ST7L: variants seen among roughly 807,000 people sequenced by gnomAD.
ST7L encodes the protein suppression of tumorigenicity 7 like.
In ST7L, 57 loss-of-function variants were observed where a neutral mutation model predicts 72.5. The ratio of observed to expected loss-of-function variants is 0.79; its 90% CI spans 0.64 to 0.98. ST7L has a LOEUF of 0.98. Ranked by LOEUF, ST7L falls within the 50% of genes least tolerant of loss-of-function variation. ST7L has a pLI of 0.00. For synonymous variants in ST7L, 221 were observed against 240.9 expected, an observed-to-expected ratio of 0.92 and a Z score of 0.77; for missense variants, 576 against 672.2, an observed-to-expected ratio of 0.86 and a Z score of 1.58.
In ST7L at chr1:112,525,189, C is replaced by T. The variant is rs1180773272; in HGVS notation, c.*824G>A. 6.6e-6 allele frequency: 1 copy of T among 152,218 alleles called. No homozygotes were observed. Among genetic ancestry groups the T allele is most frequent in the Non-Finnish European group, 1.5e-5 (1 of 68,062 alleles). The allele number at this position is 152,218 out of a possible 1,614,324, so 9.4% of individuals were successfully genotyped here. A position where few individuals can be genotyped will look rare whatever the true frequency, so the allele number is the denominator to read the frequency against. ...TGGGGTATAACTGCCAAGCCTACTG[C>T]TCATGACCTGTGGTTGTTTTTAACT... is the stretch of plus-strand genomic sequence containing the variant. On this transcript the variant is annotated 3_prime_UTR_variant, in exon 15 of 15. Transcript: ENST00000358039.
rs60106072 is a variant in ST7L, at chr1:112,556,966, C to CAAAAAAAAAA, written c.1246-958_1246-949dup. ...CTGGCGACAGAGCGAGACTCTGTCT[C>CAAAAAAAAAA]AAAAAAAAAAAAAAAAAACAAAAAA... On this transcript the variant is annotated intron_variant, in intron 11 of 14. Coordinates refer to ENST00000358039, the MANE Select transcript of ST7L (RefSeq NM_017744.5). Among the ~76,000 whole-genome samples, 43 of 49,522 alleles carry CAAAAAAAAAA rather than the reference C, an allele frequency of 8.7e-4. 2 individuals are homozygous for CAAAAAAAAAA. Among genetic ancestry groups the CAAAAAAAAAA allele is most frequent in the African/African-American group, 1.4e-3 (20 of 14,672 alleles). 32.5% of individuals were successfully genotyped at this position (49,522 alleles called of 152,430 possible).
At chr1:112,583,274 C>T (rs1387360173) in intron 7 of ST7L, among the ~76,000 whole-genome samples, 1 of 152,112 alleles carries the variant, frequency 6.6e-6, no homozygotes, top group Non-Finnish European at 1.5e-5. Flanking sequence ...ATTTATTACC[C>T]ACTATTTGCC....
chr1:112,555,511 G>A (rs1162899578), intron 12 of ST7L, among the ~76,000 whole-genome samples: 1 of 152,126 alleles, frequency 6.6e-6, no homozygotes, highest in Admixed American at 6.6e-5. Context: ...CTTGTGGTGA[G>A]CAGAGATTGC....
intron 14 of ST7L, among the ~76,000 whole-genome samples, chr1:112,533,249 A>G (rs1292935361): frequency 6.6e-6 from 1 of 152,236 alleles, no homozygotes; most frequent in Non-Finnish European, 1.5e-5. Flanking sequence ...ATTCTTTCTT[A>G]AGTAGCTAAC....
At chr1:112,575,677 C>G (rs1662990745) in intron 11 of ST7L, among the ~76,000 whole-genome samples, 1 of 152,122 alleles carries the variant, frequency 6.6e-6, no homozygotes. Flanking sequence ...GAACGGCATG[C>G]AACTTAAAAC....
chr1:112,603,180 T>C (rs570267808), intron 3 of ST7L, among the ~76,000 whole-genome samples: 1 of 152,344 alleles, frequency 6.6e-6, no homozygotes. Context: ...TAAAGACTTT[T>C]CTGTGAGAAT....
At chr1:112,619,407 G>GCCCC (rs34583754), upstream of ST7L, 14 of 464,618 alleles carry the variant, frequency 3.0e-5, no homozygotes, top group African/African-American at 2.5e-4. Context: ...CTTTCACACC[G>GCCCC]CCCCCCCCCC....
rs772171507 is a variant in ST7L, at chr1:112,611,049, T to C, written c.289-46A>G. On this transcript the variant is annotated intron_variant, in intron 2 of 14. Coordinates refer to ENST00000358039, the MANE Select transcript of ST7L (RefSeq NM_017744.5). ...CCTGCACTTAGAATCGATCAGCAGA[T>C]ACATGAGCTCAAATTAAAACATTCT... The C allele has an allele frequency of 5.7e-6, 9 of 1,581,706 alleles. No individual in the cohort carries two copies. The Admixed American group carries it at 1.2e-4, about 22-fold the overall frequency.
intron 11 of ST7L, among the ~76,000 whole-genome samples, chr1:112,566,278 A>C (rs370318753): frequency 7.9e-6 from 1 of 125,920 alleles, no homozygotes; most frequent in Non-Finnish European, 1.7e-5. Flanking sequence ...ATTTTCTTTT[A>C]TTTCTTTTTC....
chr1:112,600,920 T>C, intron 3 of ST7L, 72 bp from the exon 4 acceptor site: 1 of 1,358,556 alleles, frequency 7.4e-7, no homozygotes, highest in Non-Finnish European at 1.0e-6. Context: ...ATCTATTGTC[T>C]ACCCACTGTA....
intron 7 of ST7L, among the ~76,000 whole-genome samples, 168 bp downstream of exon 7, chr1:112,583,804 T>C (rs976781362): frequency 6.6e-6 from 1 of 152,270 alleles, no homozygotes; most frequent in Non-Finnish European, 1.5e-5. Flanking sequence ...CTCTGGCTAA[T>C]ACACATTTCT....
downstream of ST7L, chr1:112,520,425 T>C (rs758448349): frequency 2.5e-6 from 4 of 1,614,090 alleles, no homozygotes; most frequent in African/African-American, 1.3e-5. Context: ...GGTGCTGTGC[T>C]GTACGGTGCA....
chr1:112,565,889 T>C (rs968472244), intron 11 of ST7L, among the ~76,000 whole-genome samples: 2 of 151,900 alleles, frequency 1.3e-5, no homozygotes, highest in Non-Finnish European at 2.9e-5. Flanking sequence ...CATGCACCTG[T>C]AGTCCCAGCT....
intron 10 of ST7L, among the ~76,000 whole-genome samples, 153 bp downstream of exon 10, chr1:112,578,192 T>C (rs1291578347): frequency 6.6e-6 from 1 of 152,176 alleles, no homozygotes; most frequent in Non-Finnish European, 1.5e-5. Flanking sequence ...CTCTTTCCAC[T>C]ACACACAGCA....
chr1:112,598,327 G>A (rs1666787369), intron 4 of ST7L, among the ~76,000 whole-genome samples: 2 of 152,024 alleles, frequency 1.3e-5, no homozygotes, highest in African/African-American at 2.4e-5. Flanking sequence ...TGGGCCGGGT[G>A]CCGTGGCTCA....
At chr1:112,551,101 C>T (rs1353004628) in intron 12 of ST7L, among the ~76,000 whole-genome samples, 1 of 146,658 alleles carries the variant, frequency 6.8e-6, no homozygotes, top group Non-Finnish European at 1.5e-5. Flanking sequence ...TTCCTAACTT[C>T]ACATGTGAGT....
At chr1:112,561,080 G>A (rs1247836781) in intron 11 of ST7L, among the ~76,000 whole-genome samples, 1 of 151,196 alleles carries the variant, frequency 6.6e-6, no homozygotes, top group Non-Finnish European at 1.5e-5. Context: ...TAACTCTCTG[G>A]GAAAACTAAA....
At chr1:112,611,039 G>A (rs769056055) in intron 2 of ST7L, 36 bp from the exon 3 acceptor site, 20 of 1,601,142 alleles carry the variant, frequency 1.2e-5, no homozygotes, top group East Asian at 2.2e-5. Flanking sequence ...ACTTAGAATC[G>A]ATCAGCAGAT....
intron 13 of ST7L, among the ~76,000 whole-genome samples, chr1:112,546,364 T>A (rs1372987478): frequency 2.0e-5 from 3 of 149,450 alleles, no homozygotes; most frequent in Non-Finnish European, 4.4e-5. Context: ...GGGATTGAGA[T>A]ATTATTCATT....
Sources: allele counts gnomAD v4.1 joint callset (sites outside exome capture counted in the v4.1 genomes callset), GRCh38; gene constraint gnomAD v4.1.1; transcripts MANE v1.5; gene names NCBI Gene and HGNC (gene_info 2026-07-23, HGNC 2026-07-21).